RYR3: variants seen among roughly 807,000 people sequenced by gnomAD.
The protein encoded by RYR3 is brain ryanodine receptor-calcium release channel.
RYR3 carries 207 observed loss-of-function variants against 584.3 expected under a neutral mutation model. The ratio of observed to expected loss-of-function variants is 0.35; its 90% CI spans 0.32 to 0.40. RYR3 has a LOEUF of 0.40. RYR3 is among the 10% of genes least tolerant of loss of function. RYR3 has a pLI of 1.00. For missense variants in RYR3, 5,616 were observed against 6,089.2 expected, an observed-to-expected ratio of 0.92 and a Z score of 2.59; for synonymous variants, 2,416 against 2,248.5, an observed-to-expected ratio of 1.07 and a Z score of -2.11.
chr15:33,653,999 G>T (rs1247773838), intron 32 of RYR3, among the ~76,000 whole-genome samples: 1 of 152,098 alleles, frequency 6.6e-6, no homozygotes, highest in African/African-American at 2.4e-5. Flanking sequence ...AATCAATAAT[G>T]TTCTATGAAC....
chr15:33,342,305 C>T (rs562741124), intron 1 of RYR3, among the ~76,000 whole-genome samples: 1 of 152,204 alleles, frequency 6.6e-6, no homozygotes, highest in Non-Finnish European at 1.5e-5. Flanking sequence ...TCAATTTTTA[C>T]AAATTAGGAA....
intron 1 of RYR3, among the ~76,000 whole-genome samples, chr15:33,450,456 G>A (rs1434519934): frequency 6.6e-6 from 1 of 152,072 alleles, no homozygotes; most frequent in Non-Finnish European, 1.5e-5. Flanking sequence ...CTCATCTCAA[G>A]CTTCTCTAAG....
chr15:33,407,725 A>G (rs748192816), intron 1 of RYR3, among the ~76,000 whole-genome samples: 3 of 152,216 alleles, frequency 2.0e-5, no homozygotes, highest in Non-Finnish European at 2.9e-5. Context: ...ATGGTAGTGG[A>G]AGAAAGTGAG....
intron 94 of RYR3, 83 bp downstream of exon 94, chr15:33,848,504 C>A: frequency 6.8e-7 from 1 of 1,468,200 alleles, no homozygotes; most frequent in Non-Finnish European, 9.2e-7. Flanking sequence ...GGCCTTAAAA[C>A]TGGTTAATAT....
intron 21 of RYR3, among the ~76,000 whole-genome samples, chr15:33,628,845 A>G (rs1057402791): frequency 6.6e-6 from 1 of 152,232 alleles, no homozygotes; most frequent in South Asian, 2.1e-4. Flanking sequence ...CTGTATGGGT[A>G]GTGAAAAGTG....
rs372929421 is a variant in RYR3 at position 33,644,492 on chromosome 15, C to T, written c.3738C>T (p.Asn1246=). 38 of 1,613,756 alleles carry T rather than the reference C, an allele frequency of 2.4e-5. No homozygotes were observed. Among genetic ancestry groups the T allele is most frequent in the African/African-American group, 1.2e-4 (9 of 75,070 alleles). Residue 1246 remains asparagine (N), a synonymous_variant, in exon 28 of 104, where the codon AAC becomes AAT. Transcript: ENST00000634891. ...GCAAGCGCCTCCCGACGTTTGTCAACGTGCCAAAGGATCATCCACACATAG... is the reference window on the plus strand; with the variant it reads ...GCAAGCGCCTCCCGACGTTTGTCAATGTGCCAAAGGATCATCCACACATAG... ...WFSKRLPTFV[N]VPKDHPHIEV...
rs771434240 is a variant in RYR3 at position 33,311,136 on chromosome 15, G to A, written c.51+40G>A. The stretch of plus-strand genomic sequence containing the variant: ...CGGGGGCGAGGCCGTGGGCAGGTGG[G>A]GAGGAGCGCGGAGCGCGGCGAGGAG... On this transcript the variant is annotated intron_variant, in intron 1 of 103. Transcript: ENST00000634891. This position sits in a 1 kb window ranked among gnomAD's most constrained non-coding sequence, Gnocchi z 4.4. 4 of 1,480,108 alleles carry A rather than the reference G, an allele frequency of 2.7e-6. No individual in the cohort carries two copies. The highest frequency in any genetic ancestry group is 2.9e-5 in the African/African-American group (2 of 69,104). The allele number at this position is 1,480,108 out of a possible 1,614,324, so 91.7% of individuals were successfully genotyped here.
At chr15:33,806,802 G>A (rs1165817508) in intron 69 of RYR3, among the ~76,000 whole-genome samples, 2 of 151,234 alleles carry the variant, frequency 1.3e-5, no homozygotes. Flanking sequence ...TGCCCAGTCT[G>A]GAGTGCACTG....
rs527776410 is a variant in RYR3 at position 33,449,618 on chromosome 15, G to C, written c.52-23801G>C. Among the ~76,000 whole-genome samples the C allele has an allele frequency of 2.0e-5, 3 of 152,306 alleles. No individual in the cohort carries two copies. In the East Asian group the frequency reaches 5.8e-4, roughly 29 times the overall value. On this transcript the variant is annotated intron_variant, in intron 1 of 103. Coordinates refer to ENST00000634891, the MANE Select transcript of RYR3 (RefSeq NM_001036.6). The stretch of plus-strand genomic sequence containing the variant: ...TAGTAATGTATTTTAAAATGTAACA[G>C]TGTCGTGTGTTGTCCCATGCTGAAT...
chr15:33,678,748 G>A (rs987015178), intron 38 of RYR3, among the ~76,000 whole-genome samples: 4 of 152,168 alleles, frequency 2.6e-5, no homozygotes, highest in African/African-American at 7.2e-5. Context: ...CACGCGCCTC[G>A]AGGGGTCTGA....
chr15:33,437,117 AGTGT>A (rs71415518), intron 1 of RYR3, among the ~76,000 whole-genome samples: 1,700 of 149,538 alleles, frequency 0.011, 13 homozygotes, highest in South Asian at 0.016. Flanking sequence ...AGAGAGATAG[AGTGT>A]GTGTGTGTGT....
At chr15:33,651,946 TCTC>T (rs1222153186) in intron 31 of RYR3, among the ~76,000 whole-genome samples, 4 of 152,168 alleles carry the variant, frequency 2.6e-5, no homozygotes, top group African/African-American at 9.7e-5. Context: ...CCACTGCACA[TCTC>T]CACAGCTCAC....
intron 40 of RYR3, among the ~76,000 whole-genome samples, chr15:33,698,592 T>G (rs2066032484): frequency 6.6e-6 from 1 of 151,694 alleles, no homozygotes; most frequent in Non-Finnish European, 1.5e-5. Context: ...GTAGATCGGG[T>G]ATGGCTTCAA....
At chr15:33,439,243 A>G (rs1487101718) in intron 1 of RYR3, among the ~76,000 whole-genome samples, 1 of 152,194 alleles carries the variant, frequency 6.6e-6, no homozygotes, top group Middle Eastern at 3.2e-3. Context: ...CATTTCTATA[A>G]AAGAAATTGT....
At chr15:33,339,058 C>A (rs528848934) in intron 1 of RYR3, among the ~76,000 whole-genome samples, 2 of 152,290 alleles carry the variant, frequency 1.3e-5, no homozygotes, top group African/African-American at 4.8e-5. Flanking sequence ...TTTCTTATAT[C>A]GGTGGTTGGA....
chr15:33,614,985 T>G (rs957292394), intron 19 of RYR3, among the ~76,000 whole-genome samples: 5 of 152,186 alleles, frequency 3.3e-5, no homozygotes, highest in African/African-American at 1.2e-4. Flanking sequence ...CTCTGCCTCT[T>G]TCCTCGTACC....
At chr15:33,518,240 C>T (rs2053683782) in intron 3 of RYR3, among the ~76,000 whole-genome samples, 1 of 152,216 alleles carries the variant, frequency 6.6e-6, no homozygotes, top group African/African-American at 2.4e-5. Context: ...TGGTCTGTCT[C>T]AGTGGAAAGA....
intron 1 of RYR3, among the ~76,000 whole-genome samples, chr15:33,424,847 G>A (rs2044490804): frequency 6.6e-6 from 1 of 152,182 alleles, no homozygotes; most frequent in Non-Finnish European, 1.5e-5. Flanking sequence ...GCATGGTGGT[G>A]TGTGCGTGTA....
chr15:33,713,192 G>T (rs62012582), intron 43 of RYR3, among the ~76,000 whole-genome samples: 2,207 of 152,274 alleles, frequency 0.014, 31 homozygotes, highest in Non-Finnish European at 0.023. Flanking sequence ...TTCATGGTGG[G>T]TGATGGTAGA....
Sources: gnomAD v4.1 joint callset for allele counts (sites outside exome capture counted in the v4.1 genomes callset) on GRCh38, gnomAD v4.1.1 for gene constraint, Gnocchi (gnomAD v3.1) non-coding constraint, MANE v1.5 for transcripts, NCBI Gene and HGNC (gene_info 2026-07-23, HGNC 2026-07-21) for gene names.